SLC4A5: variants seen among roughly 807,000 people sequenced by gnomAD.
SLC4A5 encodes solute carrier family 4 member 5.
Under a neutral mutation model 120.4 loss-of-function variants are expected in SLC4A5, and 96 were observed. That is an observed-to-expected ratio of 0.80 (90% CI 0.68 to 0.94). SLC4A5 has a LOEUF of 0.94. Among genes scored for constraint, SLC4A5 ranks in the 40% least tolerant of loss-of-function variants. The pLI, the probability that SLC4A5 is intolerant of heterozygous loss-of-function variation, is 0.00. For synonymous variants in SLC4A5, 550 were observed against 571.1 expected (o/e 0.96, Z 0.53); for missense variants, 1,259 against 1,459.5 (o/e 0.86, Z 2.24).
exon 31 of SLC4A5, chr2:74,216,462 G>T (rs1694447062): frequency 6.6e-6 from 1 of 152,164 alleles, no homozygotes; most frequent in Non-Finnish European, 1.5e-5. Flanking sequence ...AATCAAGCAG[G>T]TTTACTCTTG....
At chr2:74,218,762 T>C (rs1426943698) in exon 31 of SLC4A5, 4 of 152,686 alleles carry the variant, frequency 2.6e-5, no homozygotes, top group African/African-American at 9.6e-5. Flanking sequence ...CAGGTGAAGC[T>C]GGACAGGATA....
Position 74,255,572 on chromosome 2 carries a change from C to T in SLC4A5, c.1025+203G>A, listed in dbSNP as rs998915489. Among the ~76,000 whole-genome samples, 2 of 152,162 alleles carry T rather than the reference C, an allele frequency of 1.3e-5. No individual in the cohort carries two copies. The highest frequency in any genetic ancestry group is 2.1e-4 in the South Asian group (1 of 4,822). The stretch of plus-strand genomic sequence containing the variant: ...CATCCCAAAGTGCTGGGATTACAGG[C>T]GTGAGCCACCGCACCTGGCCTCTTT... On this transcript the variant is annotated intron_variant, in intron 13 of 30. Coordinates refer to ENST00000394019, the Ensembl canonical transcript of SLC4A5. This position sits in a 1 kb window ranked among gnomAD's most constrained non-coding sequence, Gnocchi z 4.0.
chr2:74,225,890 T>C (rs1027353137), intron 27 of SLC4A5, among the ~76,000 whole-genome samples: 1 of 152,224 alleles, frequency 6.6e-6, no homozygotes, highest in Non-Finnish European at 1.5e-5. Context: ...GCTCATGCTC[T>C]CTGAGCCTCA....
chr2:74,265,723 T>A (rs1247368913), intron 8 of SLC4A5, among the ~76,000 whole-genome samples: 1 of 152,194 alleles, frequency 6.6e-6, no homozygotes, highest in Non-Finnish European at 1.5e-5. Context: ...AGGAAAAATG[T>A]TCCCTGACGA....
Position 74,219,927 on chromosome 2 carries a change from A to G in SLC4A5, c.*34-1135T>C, listed in dbSNP as rs1694570103. Among the ~76,000 whole-genome samples the G allele has an allele frequency of 3.9e-5, 6 of 152,126 alleles. No individual in the cohort carries two copies. In the South Asian group the frequency reaches 1.2e-3, roughly 32 times the overall value. On this transcript the variant is annotated intron_variant, in intron 30 of 30. Coordinates refer to ENST00000394019, the Ensembl canonical transcript of SLC4A5. ...CTGCTTAGGGAGGGTTGAACTGGGGAAAAGTGTGTCGTTTCACCCTGGCAT... is the reference window on the plus strand; with the variant it reads ...CTGCTTAGGGAGGGTTGAACTGGGGGAAAGTGTGTCGTTTCACCCTGGCAT...
rs142248783 is a variant in SLC4A5, at chr2:74,255,155, CTA to C, written c.1026-451_1026-450del. On this transcript the variant is annotated intron_variant, in intron 13 of 30. Transcript: ENST00000394019. This position sits in a 1 kb window ranked among gnomAD's most constrained non-coding sequence, Gnocchi z 4.0. Reference sequence around the variant, plus strand: ...CTTTTTTACTTCCCTCCATGGAACCCTATGTTTGCTTTGGAGGAACATTTCCT... The same window carrying C: ...CTTTTTTACTTCCCTCCATGGAACCCTGTTTGCTTTGGAGGAACATTTCCT... 3.6e-3 allele frequency among the ~76,000 whole-genome samples: 553 copies of C among 152,276 alleles called. 2 individuals are homozygous for C. The highest frequency in any genetic ancestry group is 0.013 in the African/African-American group (537 of 41,564).
At chr2:74,311,925 G>A (rs1031693321) in intron 6 of SLC4A5, among the ~76,000 whole-genome samples, 3 of 152,086 alleles carry the variant, frequency 2.0e-5, no homozygotes, top group South Asian at 2.1e-4. Flanking sequence ...TATAATCACT[G>A]ATTTGTCTGT....
At chr2:74,283,890 T>C (rs1671892943) in intron 8 of SLC4A5, among the ~76,000 whole-genome samples, 1 of 150,250 alleles carries the variant, frequency 6.7e-6, no homozygotes, top group Admixed American at 6.7e-5. Flanking sequence ...CAGGTTGGAG[T>C]GTAATGGCAC....
At chr2:74,257,025 C>T (rs997699289) in intron 12 of SLC4A5, among the ~76,000 whole-genome samples, 1 of 152,152 alleles carries the variant, frequency 6.6e-6, no homozygotes, top group Admixed American at 6.5e-5. Flanking sequence ...TTTCTCACAG[C>T]CTCAGTGAAG....
At chr2:74,262,312 TA>T in intron 10 of SLC4A5, 80 bp from the exon 11 acceptor site, 1 of 1,010,296 alleles carries the variant, frequency 9.9e-7, no homozygotes, top group Non-Finnish European at 1.5e-6. Flanking sequence ...TCACTTTAAC[TA>T]AATAAAACTG....
chr2:74,302,309 T>C (rs569219497), intron 7 of SLC4A5, among the ~76,000 whole-genome samples: 4 of 152,244 alleles, frequency 2.6e-5, no homozygotes, highest in South Asian at 2.1e-4. Flanking sequence ...AATGCACCAA[T>C]ATATTTGGTA....
At chr2:74,254,953 G>A (rs1670915241) in intron 13 of SLC4A5, among the ~76,000 whole-genome samples, 1 of 151,886 alleles carries the variant, frequency 6.6e-6, no homozygotes, top group Admixed American at 6.6e-5. Context: ...CTGAGTAGCT[G>A]GGACTACAGG....
chr2:74,254,353 C>A (rs1396804231), intron 14 of SLC4A5, among the ~76,000 whole-genome samples: 1 of 152,158 alleles, frequency 6.6e-6, no homozygotes, highest in South Asian at 2.1e-4. Flanking sequence ...AGCTTTAAAG[C>A]CCCCTCATCT....
At chr2:74,294,106 T>C (rs1008828676) in intron 7 of SLC4A5, among the ~76,000 whole-genome samples, 1 of 152,132 alleles carries the variant, frequency 6.6e-6, no homozygotes, top group Non-Finnish European at 1.5e-5. Context: ...AAAGTGCTTG[T>C]GGATGGAGCC....
chr2:74,293,097 G>T (rs902195410), intron 7 of SLC4A5, among the ~76,000 whole-genome samples: 1 of 152,078 alleles, frequency 6.6e-6, no homozygotes. Context: ...GGGGATTCGG[G>T]TGACTCCAGG....
chr2:74,307,874 C>T, intron 6 of SLC4A5: 1 of 482,114 alleles, frequency 2.1e-6, no homozygotes. Context: ...ACACAGAGAT[C>T]CAGGAACCAG....
intron 8 of SLC4A5, 87 bp downstream of exon 8, chr2:74,285,686 A>T: frequency 2.0e-6 from 3 of 1,523,132 alleles, no homozygotes; most frequent in Non-Finnish European, 2.7e-6. Context: ...CTCAAGGTAC[A>T]AGGTGCCACT....
intron 17 of SLC4A5, among the ~76,000 whole-genome samples, chr2:74,249,452 A>G (rs1670722672): frequency 6.6e-6 from 1 of 152,218 alleles, no homozygotes; most frequent in Admixed American, 6.5e-5. Flanking sequence ...AAAGATGATC[A>G]GGATTGATGG....
chr2:74,257,606 G>A (rs1226439361), intron 12 of SLC4A5, among the ~76,000 whole-genome samples: 1 of 152,134 alleles, frequency 6.6e-6, no homozygotes, highest in Admixed American at 6.5e-5. Flanking sequence ...TGAGACAAGA[G>A]TCTCACTCTG....
Sources: gnomAD v4.1 joint callset for allele counts (sites outside exome capture counted in the v4.1 genomes callset) on GRCh38, gnomAD v4.1.1 for gene constraint, Gnocchi (gnomAD v3.1) non-coding constraint, MANE v1.5 for transcripts, NCBI Gene and HGNC (gene_info 2026-07-23, HGNC 2026-07-21) for gene names.